LDLRAD4: variants seen among roughly 807,000 people sequenced by gnomAD.
LDLRAD4 encodes the protein low-density lipoprotein receptor class A domain-containing protein 4.
In LDLRAD4, 5 loss-of-function variants were observed where a neutral mutation model predicts 17.0. The observed-to-expected ratio is 0.29, with a 90% CI of 0.15 to 0.62. The LOEUF is 0.62. LDLRAD4 is among the 20% of genes least tolerant of loss of function. The pLI is 0.84. For missense variants in LDLRAD4, 340 were observed against 424.7 expected (o/e 0.80, Z 1.75); for synonymous variants, 168 against 171.8 (o/e 0.98, Z 0.17).
chr18:13,637,037 AT>A (rs1263127655), intron 4 of LDLRAD4, among the ~76,000 whole-genome samples: 1 of 152,134 alleles, frequency 6.6e-6, no homozygotes, highest in African/African-American at 2.4e-5. Context: ...ACCTCAGGTG[AT>A]CCACTCACCT....
chr18:13,316,090 G>A (rs1200764151), intron 1 of LDLRAD4, among the ~76,000 whole-genome samples: 2 of 152,166 alleles, frequency 1.3e-5, no homozygotes, highest in Non-Finnish European at 2.9e-5. Flanking sequence ...GATACTGGCT[G>A]AGAAGTATCC....
chr18:13,478,168 C>T (rs541904358), intron 3 of LDLRAD4, among the ~76,000 whole-genome samples: 17 of 152,296 alleles, frequency 1.1e-4, no homozygotes, highest in African/African-American at 4.1e-4. Flanking sequence ...CCTCTTGACT[C>T]GGGGTTGTCT....
At chr18:13,581,103 A>T (rs2094850429) in intron 3 of LDLRAD4, among the ~76,000 whole-genome samples, 1 of 152,188 alleles carries the variant, frequency 6.6e-6, no homozygotes, top group African/African-American at 2.4e-5. Context: ...AAATTTATTT[A>T]TGTTTCATAT....
chr18:13,360,152 A>G (rs2083576188), intron 1 of LDLRAD4, among the ~76,000 whole-genome samples: 1 of 152,166 alleles, frequency 6.6e-6, no homozygotes, highest in African/African-American at 2.4e-5. Flanking sequence ...AATCTCCACC[A>G]AGCTGGCCTT....
chr18:13,640,064 A>G (rs1457939335), intron 4 of LDLRAD4, among the ~76,000 whole-genome samples: 1 of 152,170 alleles, frequency 6.6e-6, no homozygotes, highest in Non-Finnish European at 1.5e-5. Flanking sequence ...AGGCGGGTGA[A>G]TCACAAGGTC....
At chr18:13,406,830 G>C (rs1414916935) in intron 2 of LDLRAD4, among the ~76,000 whole-genome samples, 1 of 152,196 alleles carries the variant, frequency 6.6e-6, no homozygotes, top group South Asian at 2.1e-4. Flanking sequence ...CTGTCCTCCA[G>C]GGCTGCCTGT....
intron 3 of LDLRAD4, among the ~76,000 whole-genome samples, chr18:13,503,539 G>A (rs2093645401): frequency 6.6e-6 from 1 of 152,208 alleles, no homozygotes. Context: ...AGGGGAAAGA[G>A]GAGAGAGGAC....
intron 1 of LDLRAD4, among the ~76,000 whole-genome samples, chr18:13,243,845 A>G (rs1172737106): frequency 1.4e-5 from 2 of 140,950 alleles, no homozygotes; most frequent in African/African-American, 5.4e-5. Context: ...TCTATCCACC[A>G]TGTACTCACT....
intron 3 of LDLRAD4, among the ~76,000 whole-genome samples, chr18:13,599,858 T>C (rs2095140657): frequency 6.6e-6 from 1 of 152,236 alleles, no homozygotes. Flanking sequence ...GGACAAGTCA[T>C]GTTTTTCTTA....
At chr18:13,642,688 C>G in intron 4 of LDLRAD4, 5 of 1,231,566 alleles carry the variant, frequency 4.1e-6, no homozygotes, top group Non-Finnish European at 5.1e-6. Context: ...TTCCTCAACC[C>G]AGCCTGCCCT....
In LDLRAD4 at chr18:13,561,033, G is replaced by A. The variant is rs73954859; in HGVS notation, c.182-60084G>A. On this transcript the variant is annotated intron_variant, in intron 3 of 5. Transcript: ENST00000359446. ...TAGGAAGGTCTCCCAAGAGCTCTGG[G>A]TTTGTTTCTTCCCCTGTGAATTGGC... 9.7e-4 allele frequency among the ~76,000 whole-genome samples: 132 copies of A among 136,136 alleles called. 1 individual carries two copies. The highest frequency in any genetic ancestry group is 3.3e-3 in the African/African-American group (120 of 35,890). The allele number at this position is 136,136 out of a possible 152,430, so 89.3% of individuals were successfully genotyped here. A position where few individuals can be genotyped will look rare whatever the true frequency, so the allele number is the denominator to read the frequency against.
chr18:13,429,214 A>G (rs550082204), intron 2 of LDLRAD4, among the ~76,000 whole-genome samples: 1 of 152,314 alleles, frequency 6.6e-6, no homozygotes, highest in East Asian at 1.9e-4. Context: ...AGTTAACCAC[A>G]TGGGGGTCTC....
At chr18:13,307,215 G>A (rs1036703181) in intron 1 of LDLRAD4, among the ~76,000 whole-genome samples, 1 of 152,132 alleles carries the variant, frequency 6.6e-6, no homozygotes, top group African/African-American at 2.4e-5. Context: ...CCAAGTGTGC[G>A]TGCCTTTCCT....
At chr18:13,421,862 G>A (rs752673662) in intron 2 of LDLRAD4, among the ~76,000 whole-genome samples, 1 of 152,228 alleles carries the variant, frequency 6.6e-6, no homozygotes, top group African/African-American at 2.4e-5. Flanking sequence ...GGACGGGCCT[G>A]GGGCTGGGGT....
intron 2 of LDLRAD4, among the ~76,000 whole-genome samples, chr18:13,415,814 G>C (rs1330191156): frequency 6.6e-6 from 1 of 152,218 alleles, no homozygotes; most frequent in Admixed American, 6.5e-5. Flanking sequence ...CATCAGGGTG[G>C]GTGGGGAGCC....
At chr18:13,390,825 C>T (rs2086219301) in intron 2 of LDLRAD4, among the ~76,000 whole-genome samples, 1 of 152,242 alleles carries the variant, frequency 6.6e-6, no homozygotes, top group African/African-American at 2.4e-5. Flanking sequence ...AGGAAGTAAC[C>T]AGCAGTGAAA....
chr18:13,220,990 A>G lies in LDLRAD4; in HGVS notation c.-467+2002A>G, dbSNP rs576304538. ...CCAAAGCCACCTCAGGGCCCTGGGCAGGAATTCTTGAAATTGTAGACTGCT... is the reference window on the plus strand; with the variant it reads ...CCAAAGCCACCTCAGGGCCCTGGGCGGGAATTCTTGAAATTGTAGACTGCT... On this transcript the variant is annotated intron_variant, in intron 1 of 5. Coordinates refer to the LDLRAD4 transcript ENST00000399848. Among the ~76,000 whole-genome samples, 65 of 152,338 alleles carry G rather than the reference A, an allele frequency of 4.3e-4. No homozygotes were observed. In the South Asian group the frequency reaches 0.013, roughly 30 times the overall value.
intron 3 of LDLRAD4, among the ~76,000 whole-genome samples, chr18:13,511,256 C>T (rs552751211): frequency 3.7e-4 from 56 of 152,248 alleles, no homozygotes; most frequent in Non-Finnish European, 5.0e-4. Context: ...CACACAGGGC[C>T]GGGCACAGTG....
intron 3 of LDLRAD4, among the ~76,000 whole-genome samples, chr18:13,466,258 C>T (rs2092611387): frequency 1.3e-5 from 2 of 151,992 alleles, no homozygotes; most frequent in Non-Finnish European, 2.9e-5. Context: ...ATCATTTGAA[C>T]CCAGGAGTTC....
Sources: gnomAD v4.1 joint callset for allele counts (sites outside exome capture counted in the v4.1 genomes callset) on GRCh38, gnomAD v4.1.1 for gene constraint, MANE v1.5 for transcripts, NCBI Gene and HGNC (gene_info 2026-07-23, HGNC 2026-07-21) for gene names.